The following TRERF1 variants were observed in gnomAD, a reference collection of about 807,000 sequenced individuals.
The protein encoded by TRERF1 is transcriptional regulating factor 1, also known as transcriptional-regulating factor 1.
TRERF1 carries 27 observed loss-of-function variants against 122.9 expected under a neutral mutation model. The ratio of observed to expected loss-of-function variants is 0.22; its 90% CI spans 0.16 to 0.30. The LOEUF (loss-of-function observed/expected upper bound fraction) is 0.30. Ranked by LOEUF, TRERF1 falls within the 10% of genes least tolerant of loss-of-function variation. The probability of loss-of-function intolerance (pLI) is 1.00; values close to 1 mark genes in which losing one functional copy is unlikely to be tolerated. For missense variants in TRERF1, 1,248 were observed against 1,560.3 expected (o/e 0.80, Z 3.37); for synonymous variants, 636 against 641.7 (o/e 0.99, Z 0.13).
At chr6:42,270,789 T>C (rs1435638572) in intron 4 of TRERF1, among the ~76,000 whole-genome samples, 1 of 147,346 alleles carries the variant, frequency 6.8e-6, no homozygotes, top group Non-Finnish European at 1.5e-5. Flanking sequence ...TTTTTTTTTT[T>C]TGAGATGGAG....
At chr6:42,233,583 C>T in intron 16 of TRERF1, among the ~76,000 whole-genome samples, 1 of 152,148 alleles carries the variant, frequency 6.6e-6, no homozygotes, top group East Asian at 1.9e-4. Flanking sequence ...CCACGCCTGG[C>T]CTCAAACTTT....
chr6:42,290,741 C>CTTTTTTTTT lies in TRERF1; in HGVS notation c.-259+9888_-259+9896dup, dbSNP rs144168592. Among the ~76,000 whole-genome samples the CTTTTTTTTT allele has an allele frequency of 2.7e-4, 25 of 92,400 alleles. 4 individuals carry two copies. The highest frequency in any genetic ancestry group is 9.3e-4 in the East Asian group (3 of 3,226). The allele number at this position is 92,400 out of a possible 152,430, so 60.6% of individuals were successfully genotyped here. ...ATTTATCCTTTTTTCCATTTCTTTCCTTTTTTTTTTTTTTTTTTTTTTTGA... is the reference window on the plus strand; with the variant it reads ...ATTTATCCTTTTTTCCATTTCTTTCCTTTTTTTTTTTTTTTTTTTTTTTTTTTTTTTTGA... On this transcript the variant is annotated intron_variant, in intron 4 of 17. Coordinates refer to ENST00000372922, the Ensembl canonical transcript of TRERF1.
At position 42,232,806 on chromosome 6, in the gene TRERF1, G is replaced by A. The variant is rs756228604; in HGVS notation, c.3153C>T (p.Pro1051=). The change falls in exon 17 of 18, where the codon CCC becomes CCT. Residue 1051 remains proline, a synonymous_variant. Coordinates refer to ENST00000372922, the Ensembl canonical transcript of TRERF1. This position sits in a 1 kb window ranked among gnomAD's most constrained non-coding sequence, Gnocchi z 4.5. Reference sequence around the variant, plus strand: ...TGCCACCAGGCTTCTGCTTCCCAGAGGGGATGGCACCTCGGGCCTTGGTCA... The same window carrying A: ...TGCCACCAGGCTTCTGCTTCCCAGAAGGGATGGCACCTCGGGCCTTGGTCA... 1.7e-5 allele frequency: 27 copies of A among 1,613,168 alleles called. No individual in the cohort carries two copies. The highest frequency in any genetic ancestry group is 2.2e-5 in the Non-Finnish European group (26 of 1,179,638).
chr6:42,260,111 A>G (rs1777561329), intron 8 of TRERF1, among the ~76,000 whole-genome samples: 2 of 151,970 alleles, frequency 1.3e-5, no homozygotes, highest in African/African-American at 4.8e-5. Context: ...AACAGATACC[A>G]CATGTTCTGA....
At chr6:42,289,344 A>AAC (rs1783879686) in intron 4 of TRERF1, among the ~76,000 whole-genome samples, 1 of 129,996 alleles carries the variant, frequency 7.7e-6, no homozygotes, top group African/African-American at 3.4e-5. Context: ...AAAAACAAAC[A>AAC]AACAAAAAAA....
At chr6:42,451,566 T>C (rs1474745439) in intron 1 of TRERF1, among the ~76,000 whole-genome samples, 108 bp downstream of exon 1, 1 of 151,460 alleles carries the variant, frequency 6.6e-6, no homozygotes, top group Non-Finnish European at 1.5e-5. Context: ...CTACTCTCCA[T>C]ATGCATTCAG....
At chr6:42,389,393 A>C (rs1777332931) in intron 2 of TRERF1, among the ~76,000 whole-genome samples, 1 of 152,242 alleles carries the variant, frequency 6.6e-6, no homozygotes, top group Non-Finnish European at 1.5e-5. Flanking sequence ...GATGCCAGTG[A>C]AGGCAACGTG....
chr6:42,315,709 C>A (rs1055315052), intron 3 of TRERF1, among the ~76,000 whole-genome samples: 2 of 147,472 alleles, frequency 1.4e-5, no homozygotes, highest in African/African-American at 5.0e-5. Context: ...GAACACCACC[C>A]CCCCCCCCAC....
intron 3 of TRERF1, among the ~76,000 whole-genome samples, chr6:42,352,775 G>A (rs1455551078): frequency 2.0e-5 from 3 of 152,092 alleles, no homozygotes; most frequent in South Asian, 2.1e-4. Flanking sequence ...AATATGAAAC[G>A]TAAATGATAT....
At chr6:42,407,073 C>T (rs774648567) in intron 2 of TRERF1, among the ~76,000 whole-genome samples, 22 of 152,202 alleles carry the variant, frequency 1.4e-4, no homozygotes, top group Non-Finnish European at 2.6e-4. Context: ...GAACTCAACA[C>T]TAGAATTCAT....
At chr6:42,285,753 A>G (rs1453672874) in intron 4 of TRERF1, among the ~76,000 whole-genome samples, 1 of 152,192 alleles carries the variant, frequency 6.6e-6, no homozygotes, top group Non-Finnish European at 1.5e-5. Context: ...ATCCCCATCA[A>G]GCTACCAATG....
At chr6:42,362,371 C>T (rs942582640) in intron 3 of TRERF1, among the ~76,000 whole-genome samples, 3 of 152,220 alleles carry the variant, frequency 2.0e-5, no homozygotes, top group African/African-American at 4.8e-5. Context: ...CCCACTGTCG[C>T]CAAGAATGTG....
chr6:42,232,992 A>C lies in TRERF1; in HGVS notation c.3067-100T>G, dbSNP rs1449765627. The C allele has an allele frequency of 6.9e-7, 1 of 1,445,992 alleles. No individual in the cohort carries two copies. Among genetic ancestry groups the C allele is most frequent in the Non-Finnish European group, 9.1e-7 (1 of 1,094,668 alleles). The allele number at this position is 1,445,992 out of a possible 1,614,324, so 89.6% of individuals were successfully genotyped here. On this transcript the variant is annotated intron_variant, in intron 16 of 17. Coordinates refer to ENST00000372922, the Ensembl canonical transcript of TRERF1. The surrounding 1 kb of genome is among the most constrained non-coding windows in gnomAD (Gnocchi z 4.5). ...AACATGGAATACTTGAAACTGTCTA[A>C]TGACAGGGCACAAGGGTTTTATATA...
chr6:42,245,467 C>T (rs542233294), intron 14 of TRERF1, among the ~76,000 whole-genome samples: 97 of 152,350 alleles, frequency 6.4e-4, no homozygotes, highest in African/African-American at 2.2e-3. Flanking sequence ...CTATCAACTG[C>T]GCCCTGTTCT....
At chr6:42,264,265 C>T (rs183060404) in intron 7 of TRERF1, among the ~76,000 whole-genome samples, 9 of 152,310 alleles carry the variant, frequency 5.9e-5, no homozygotes, top group Admixed American at 4.6e-4. Context: ...GGATGTTGAG[C>T]TGAACACCAC....
chr6:42,261,178 C>G (rs182221173), intron 8 of TRERF1, among the ~76,000 whole-genome samples: 215 of 152,298 alleles, frequency 1.4e-3, no homozygotes, highest in Non-Finnish European at 2.0e-3. Flanking sequence ...GCCTGTGCCC[C>G]CCCCAAGGGG....
intron 2 of TRERF1, among the ~76,000 whole-genome samples, chr6:42,384,130 C>G (rs1776403646): frequency 6.6e-6 from 1 of 151,940 alleles, no homozygotes; most frequent in Non-Finnish European, 1.5e-5. Context: ...AGGAATTTAT[C>G]CTACAGACAT....
intron 9 of TRERF1, among the ~76,000 whole-genome samples, chr6:42,258,876 A>G (rs1342471332): frequency 1.3e-5 from 2 of 152,182 alleles, no homozygotes; most frequent in African/African-American, 4.8e-5. Context: ...CTGGGATTAC[A>G]GGTGCGTGCC....
chr6:42,277,891 GGAAGAAGGAAGAAGGAAGAAGAAGAAGAA>G (rs1561894220), intron 4 of TRERF1, among the ~76,000 whole-genome samples: 2 of 129,660 alleles, frequency 1.5e-5, no homozygotes, highest in South Asian at 2.5e-4. Context: ...GAAGGAAGAA[GGAAGAAGGAAGAAGGAAGAAGAAGAAGAA>G]GAAGAAGAAG....
Sources: allele counts gnomAD v4.1 joint callset (sites outside exome capture counted in the v4.1 genomes callset), GRCh38; gene constraint gnomAD v4.1.1; non-coding constraint Gnocchi (gnomAD v3.1); transcripts MANE v1.5; gene names NCBI Gene and HGNC (gene_info 2026-07-23, HGNC 2026-07-21).